Variants in NOTCH2 observed in about 807,000 individuals in gnomAD.
NOTCH2 encodes the protein notch receptor 2.
In NOTCH2, 29 loss-of-function variants were observed where a neutral mutation model predicts 235.8. The ratio of observed to expected loss-of-function variants is 0.12; its 90% confidence interval spans 0.09 to 0.17. The LOEUF (loss-of-function observed/expected upper bound fraction) is 0.17, where lower values mean the gene tolerates loss of function less well. Ranked by LOEUF, NOTCH2 falls within the 10% of genes least tolerant of loss-of-function variation. The pLI is 1.00. For missense variants in NOTCH2, 2,285 were observed against 3,150.2 expected, an observed-to-expected ratio of 0.73 and a Z score of 6.57; for synonymous variants, 1,086 against 1,141.5, an observed-to-expected ratio of 0.95 and a Z score of 0.98.
intron 11 of NOTCH2, 49 bp downstream of exon 11, chr1:119,963,525 T>A (rs1338605111): frequency 6.7e-7 from 1 of 1,483,752 alleles, no homozygotes; most frequent in Middle Eastern, 1.7e-4. Context: ...GTAAACAGAT[T>A]TGAGAAACAG....
intron 3 of NOTCH2, among the ~76,000 whole-genome samples, chr1:120,001,418 C>T (rs1652746418): frequency 6.6e-6 from 1 of 152,166 alleles, no homozygotes; most frequent in African/African-American, 2.4e-5. Context: ...TTTGCCCTGC[C>T]CAGGCAGAGT....
chr1:120,012,109 G>A (rs1436152297), intron 2 of NOTCH2, among the ~76,000 whole-genome samples: 2 of 129,816 alleles, frequency 1.5e-5, no homozygotes, highest in African/African-American at 6.0e-5. Context: ...TTCAACACTA[G>A]GCTATCCTGC....
chr1:119,921,988 C>T (rs1338492893), intron 28 of NOTCH2, among the ~76,000 whole-genome samples, 179 bp from the exon 29 acceptor site: 4 of 152,096 alleles, frequency 2.6e-5, no homozygotes, highest in African/African-American at 7.2e-5. Context: ...TTTCCCTTCC[C>T]ATTGATCGTG....
intron 2 of NOTCH2, among the ~76,000 whole-genome samples, chr1:120,020,818 TC>T (rs1222014280): frequency 1.6e-5 from 2 of 123,354 alleles, no homozygotes; most frequent in Non-Finnish European, 3.1e-5. Flanking sequence ...TAAATCCTAA[TC>T]AGATTATTTT....
chr1:119,958,073 T>A (rs1553198589), intron 12 of NOTCH2, among the ~76,000 whole-genome samples: 36 of 152,336 alleles, frequency 2.4e-4, no homozygotes, highest in African/African-American at 8.2e-4. Flanking sequence ...AGCTCAAAAT[T>A]AGTTCTTCAT....
intron 7 of NOTCH2, 46 bp downstream of exon 7, chr1:119,968,031 A>T (rs1553199911): frequency 6.2e-7 from 1 of 1,609,478 alleles, no homozygotes; most frequent in Middle Eastern, 1.7e-4. Context: ...ACATTTGCTG[A>T]GCTCAACAGA....
chr1:119,999,337 G>A (rs587730358), intron 3 of NOTCH2, among the ~76,000 whole-genome samples: 7 of 146,646 alleles, frequency 4.8e-5, no homozygotes, highest in Middle Eastern at 3.5e-3. Context: ...AAAAAGATGC[G>A]AGATGTGACA....
intron 12 of NOTCH2, among the ~76,000 whole-genome samples, chr1:119,957,095 T>C (rs1650733880): frequency 6.6e-6 from 1 of 152,246 alleles, no homozygotes; most frequent in Non-Finnish European, 1.5e-5. Context: ...TCCCATTCAT[T>C]CGTTCATTCA....
intron 22 of NOTCH2, among the ~76,000 whole-genome samples, chr1:119,931,102 TAAA>T (rs79286766): frequency 7.9e-6 from 1 of 126,474 alleles, no homozygotes; most frequent in Non-Finnish European, 1.7e-5. Flanking sequence ...GACTCTGTCT[TAAA>T]AAAAAAAAAA....
chr1:119,933,069 A>G (rs1553195360), intron 22 of NOTCH2, among the ~76,000 whole-genome samples: 1 of 152,236 alleles, frequency 6.6e-6, no homozygotes. Flanking sequence ...CCCTGTCTCA[A>G]AGAATATTTG....
intron 2 of NOTCH2, among the ~76,000 whole-genome samples, chr1:120,011,511 T>G (rs41463147): frequency 0.16 from 24,875 of 151,994 alleles, 2,300 homozygotes; most frequent in African/African-American, 0.31. Flanking sequence ...CTATGCTTAA[T>G]AGTAGTCATA....
At position 119,966,339 on chromosome 1, in the gene NOTCH2, C is replaced by T. The variant is rs1324618897; in HGVS notation, c.1567+37G>A. 2.8e-6 allele frequency: 4 copies of T among 1,434,760 alleles called. No individual in the cohort carries two copies. In the African/African-American group the frequency reaches 5.6e-5, roughly 20 times the overall value. 88.9% of individuals were successfully genotyped at this position (1,434,760 alleles called of 1,614,324 possible). On this transcript the variant is annotated intron_variant, in intron 9 of 33. Coordinates refer to ENST00000256646, the MANE Select transcript of NOTCH2 (RefSeq NM_024408.4). ...TTCCCTGTGGTCAGTTGGCTTTGTG[C>T]TTTAAGAGAAAACAGGGCCAGGTCG...
At position 119,948,421 on chromosome 1, in the gene NOTCH2, G is replaced by A. The variant is rs1553197316; in HGVS notation, c.2745C>T (p.Cys915=). 5.0e-6 allele frequency: 8 copies of A among 1,614,028 alleles called. No individual in the cohort carries two copies. In the South Asian group the frequency reaches 5.5e-5, roughly 11 times the overall value. Residue 915 remains cysteine, a synonymous_variant, in exon 17 of 34, where the codon TGC becomes TGT. Transcript: ENST00000256646. ...GCTGACTGGCATACTCACTGGCAAG[G>A]CAGTCATCAATGTCCTCCTCACAGT... ...GMDCEEDIDD[C]LANPCQNGGS...
At chr1:119,936,809 T>C (rs1268488823) in intron 21 of NOTCH2, among the ~76,000 whole-genome samples, 3 of 152,184 alleles carry the variant, frequency 2.0e-5, no homozygotes, top group African/African-American at 4.8e-5. Context: ...CTCAAATATA[T>C]ACATGTAACG....
In NOTCH2 at chr1:119,925,625, A is replaced by G; in HGVS notation, c.4191T>C (p.Tyr1397=). ...ATGGTGGGGCACACTGGCAGGAGTA[A>G]TAAGGAGGCTGGCGCTGAGGGTGGC... The part of the protein sequence containing the change: ...GSCHPQRQPP[Y]YSCQCAPPFS... The change falls in exon 25 of 34, where the codon TAT becomes TAC. Residue 1397 remains tyrosine, a synonymous_variant. Coordinates refer to ENST00000256646, the MANE Select transcript of NOTCH2 (RefSeq NM_024408.4). 6.2e-6 allele frequency: 10 copies of G among 1,613,790 alleles called. No individual in the cohort carries two copies. The highest frequency in any genetic ancestry group is 7.6e-6 in the Non-Finnish European group (9 of 1,179,788).
intron 22 of NOTCH2, among the ~76,000 whole-genome samples, chr1:119,930,168 C>T (rs1237114814): frequency 3.3e-5 from 5 of 152,110 alleles, no homozygotes; most frequent in Non-Finnish European, 7.4e-5. Flanking sequence ...GTTAAGTGAC[C>T]CATGACTATA....
intron 2 of NOTCH2, among the ~76,000 whole-genome samples, chr1:120,012,764 A>G (rs1360471511): frequency 6.6e-6 from 1 of 152,166 alleles, no homozygotes; most frequent in East Asian, 1.9e-4. Context: ...ATGAAATAGT[A>G]CTTAACTGAA....
At position 119,923,608 on chromosome 1, in the gene NOTCH2, G is replaced by C. The variant is rs1352047696; in HGVS notation, c.4859+29C>G. 3 of 1,580,738 alleles carry C rather than the reference G, an allele frequency of 1.9e-6. No individual in the cohort carries two copies. In the Admixed American group the frequency reaches 5.0e-5, roughly 26 times the overall value. On this transcript the variant is annotated intron_variant, in intron 26 of 33. Coordinates refer to ENST00000256646, the MANE Select transcript of NOTCH2 (RefSeq NM_024408.4). Reference sequence around the variant, plus strand: ...CAAAGTGCTAGGCTTCATAAAATTAGCCTTGAAGTTCAGAAACCAAACACC... The same window carrying C: ...CAAAGTGCTAGGCTTCATAAAATTACCCTTGAAGTTCAGAAACCAAACACC...
At chr1:119,917,313 C>A in intron 33 of NOTCH2, among the ~76,000 whole-genome samples, 1 of 149,674 alleles carries the variant, frequency 6.7e-6, no homozygotes, top group African/African-American at 2.5e-5. Flanking sequence ...TATCCAAGGA[C>A]AGAAAAAAAA....
Sources: allele counts gnomAD v4.1 joint callset (sites outside exome capture counted in the v4.1 genomes callset), GRCh38; gene constraint gnomAD v4.1.1; transcripts MANE v1.5; gene names NCBI Gene and HGNC (gene_info 2026-07-23, HGNC 2026-07-21).